OSBPL9: variants seen among roughly 807,000 people sequenced by gnomAD.
OSBPL9 encodes the protein oxysterol binding protein like 9.
In OSBPL9, 40 loss-of-function variants were observed where a neutral mutation model predicts 106.6. The observed-to-expected ratio is 0.38, with a 90% CI of 0.29 to 0.49. The LOEUF (loss-of-function observed/expected upper bound fraction) is 0.49, where lower values mean the gene tolerates loss of function less well. OSBPL9 is among the 20% of genes least tolerant of loss of function. OSBPL9 has a pLI of 0.97. For synonymous variants in OSBPL9, 269 were observed against 295.4 expected, an observed-to-expected ratio of 0.91 and a Z score of 0.92; for missense variants, 609 against 887.2, an observed-to-expected ratio of 0.69 and a Z score of 3.98.
chr1:51,772,573 G>C (rs760140852), intron 13 of OSBPL9, 32 bp from the exon 14 acceptor site: 9 of 1,524,070 alleles, frequency 5.9e-6, no homozygotes, highest in Middle Eastern at 1.7e-4. Context: ...GCCCAATTTA[G>C]CACCATTCTA....
At chr1:51,754,869 C>A (rs1406643999) in intron 8 of OSBPL9, among the ~76,000 whole-genome samples, 2 of 152,114 alleles carry the variant, frequency 1.3e-5, no homozygotes, top group Non-Finnish European at 2.9e-5. Context: ...GTGTCACAAT[C>A]ATAAATAACT....
intron 8 of OSBPL9, among the ~76,000 whole-genome samples, chr1:51,752,061 A>G (rs77019354): frequency 0.012 from 1,814 of 152,246 alleles, 37 homozygotes; most frequent in African/African-American, 0.042. Flanking sequence ...ATTTAAATGT[A>G]AATGAGACCG....
intron 3 of OSBPL9, among the ~76,000 whole-genome samples, chr1:51,705,391 ATATATATATTTTTTTTTTTT>A (rs1423143521): frequency 9.0e-5 from 5 of 55,344 alleles, no homozygotes; most frequent in African/African-American, 2.5e-4. Context: ...ATATATATAT[ATATATATATTTTTTTTTTTT>A]TTTTTTTTTT....
At chr1:51,595,046 T>A (rs1645293106) in intron 1 of OSBPL9, 1 of 152,738 alleles carries the variant, frequency 6.5e-6, no homozygotes, top group Non-Finnish European at 1.5e-5. Flanking sequence ...ACTTCTACCT[T>A]GACCCAGGGG....
At chr1:51,683,830 G>A (rs1324874131) in intron 3 of OSBPL9, among the ~76,000 whole-genome samples, 2 of 151,938 alleles carry the variant, frequency 1.3e-5, no homozygotes, top group Non-Finnish European at 2.9e-5. Context: ...TGATAAAATG[G>A]ATGAACCTGA....
chr1:51,537,452 G>A, the OSBPL9 span, among the ~76,000 whole-genome samples: 3 of 152,244 alleles, frequency 2.0e-5, no homozygotes, highest in East Asian at 5.8e-4. Context: ...ACCAAGATTT[G>A]GGCATCAGAT....
Position 51,783,941 on chromosome 1 carries a change from A to C in OSBPL9, c.1540A>C (p.Asn514His). 1 of 1,613,870 alleles carries C rather than the reference A, an allele frequency of 6.2e-7. No homozygotes were observed. The highest frequency in any genetic ancestry group is 8.5e-7 in the Non-Finnish European group (1 of 1,179,744). ...TTCAGCCTTTTATGCTGAGTGTTTT[A>C]ACAAGAAGATACAATTCAATGCTCA... is the stretch of plus-strand genomic sequence containing the variant. ...PISAFYAECFNKKIQFNAHIW... is the reference protein window; with the variant it reads ...PISAFYAECFHKKIQFNAHIW... The change falls in exon 18 of 24, where the codon AAC becomes CAC. Residue 514 changes from asparagine (N) to histidine (H), a missense_variant. By Grantham distance (68) the Asn-to-His change is moderately conservative (BLOSUM62 1). Transcript: ENST00000428468.
chr1:51,518,965 G>T, the OSBPL9 span, among the ~76,000 whole-genome samples: 55 of 151,428 alleles, frequency 3.6e-4, no homozygotes, highest in Non-Finnish European at 7.2e-4. Context: ...GCGCGGGGCG[G>T]GGCAGGAGGC....
intron 3 of OSBPL9, among the ~76,000 whole-genome samples, chr1:51,697,515 G>C (rs560224024): frequency 1.5e-5 from 1 of 65,658 alleles, no homozygotes; most frequent in African/African-American, 6.2e-5. Flanking sequence ...ACTTTATTTT[G>C]TATACAGGCA....
chr1:51,702,724 T>A (rs188848538), intron 3 of OSBPL9, among the ~76,000 whole-genome samples: 5 of 152,372 alleles, frequency 3.3e-5, no homozygotes, highest in Admixed American at 2.6e-4. Flanking sequence ...TTGCCATGCC[T>A]ATGTCCTGAA....
chr1:51,546,255 G>A, the OSBPL9 span, among the ~76,000 whole-genome samples: 2 of 152,058 alleles, frequency 1.3e-5, no homozygotes, highest in Admixed American at 6.5e-5. Flanking sequence ...GAGCGCAAGC[G>A]ATCTGCCTGC....
chr1:51,701,597 T>A (rs889923225), intron 3 of OSBPL9, among the ~76,000 whole-genome samples: 1 of 152,144 alleles, frequency 6.6e-6, no homozygotes, highest in Non-Finnish European at 1.5e-5. Context: ...TTGTATATGG[T>A]TCTTTTTTTT....
At chr1:51,525,304 G>C in the OSBPL9 span, among the ~76,000 whole-genome samples, 1 of 152,190 alleles carries the variant, frequency 6.6e-6, no homozygotes, top group Non-Finnish European at 1.5e-5. Context: ...GTTAAATTAT[G>C]TAACTAGTGT....
intron 4 of OSBPL9, among the ~76,000 whole-genome samples, chr1:51,714,518 C>T (rs558620916): frequency 2.0e-5 from 3 of 152,182 alleles, no homozygotes; most frequent in Non-Finnish European, 2.9e-5. Flanking sequence ...AAAGAAAACT[C>T]AACCCAAACT....
At chr1:51,695,676 C>A (rs988454710) in intron 3 of OSBPL9, among the ~76,000 whole-genome samples, 1 of 152,076 alleles carries the variant, frequency 6.6e-6, no homozygotes, top group African/African-American at 2.4e-5. Flanking sequence ...CCTAGAGATT[C>A]CATTCTCATT....
At chr1:51,609,457 T>C (rs1313427426) in intron 2 of OSBPL9, among the ~76,000 whole-genome samples, 1 of 151,110 alleles carries the variant, frequency 6.6e-6, no homozygotes, top group Non-Finnish European at 1.5e-5. Flanking sequence ...GCTCCTCCAA[T>C]TTCAGCTTCC....
chr1:51,704,286 A>G (rs183304114), intron 3 of OSBPL9, among the ~76,000 whole-genome samples: 8 of 152,058 alleles, frequency 5.3e-5, no homozygotes, highest in Non-Finnish European at 1.2e-4. Context: ...TTGGTTGGTA[A>G]GCTATTAATT....
chr1:51,694,001 A>C (rs1350498523), intron 3 of OSBPL9, among the ~76,000 whole-genome samples: 1 of 152,248 alleles, frequency 6.6e-6, no homozygotes, highest in Non-Finnish European at 1.5e-5. Flanking sequence ...CTAGGAGCTT[A>C]CATTCTGTTG....
chr1:51,711,407 C>T (rs1483613372), intron 3 of OSBPL9, among the ~76,000 whole-genome samples: 5 of 146,966 alleles, frequency 3.4e-5, no homozygotes, highest in African/African-American at 1.0e-4. Context: ...CCAGTAGGGG[C>T]GGCCGGGTAG....
Sources: gnomAD v4.1 joint callset for allele counts (sites outside exome capture counted in the v4.1 genomes callset) on GRCh38, gnomAD v4.1.1 for gene constraint, MANE v1.5 for transcripts, NCBI Gene and HGNC (gene_info 2026-07-23, HGNC 2026-07-21) for gene names.